The following CERS3 variants were observed in gnomAD, a reference collection of about 807,000 sequenced individuals.
CERS3 encodes the protein LAG1 homolog, ceramide synthase 3.
A neutral mutation model predicts 50.3 loss-of-function variants in CERS3; 33 were observed. The ratio of observed to expected loss-of-function variants is 0.66; its 90% CI spans 0.50 to 0.88. The LOEUF is 0.88. Among genes scored for constraint, CERS3 ranks in the 40% least tolerant of loss-of-function variants. The probability of loss-of-function intolerance (pLI) is 0.00; values close to 1 mark genes in which losing one functional copy is unlikely to be tolerated. For missense variants in CERS3, 470 were observed against 460.3 expected (o/e 1.02, Z -0.19); for synonymous variants, 176 against 155.2 (o/e 1.13, Z -0.99).
At chr15:100,409,455 G>A (rs1195412031) in intron 11 of CERS3, among the ~76,000 whole-genome samples, 1 of 28,004 alleles carries the variant, frequency 3.6e-5, no homozygotes, top group Non-Finnish European at 9.3e-5. Context: ...CTTAAAAAAA[G>A]TGCAGCCCAC....
chr15:100,459,854 T>C (rs2034492872), intron 10 of CERS3, among the ~76,000 whole-genome samples: 1 of 152,146 alleles, frequency 6.6e-6, no homozygotes, highest in South Asian at 2.1e-4. Flanking sequence ...ATAGTGACTA[T>C]ATATATTTAT....
intron 11 of CERS3, among the ~76,000 whole-genome samples, chr15:100,422,909 G>C (rs1193900492): frequency 7.5e-6 from 1 of 133,532 alleles, no homozygotes; most frequent in Non-Finnish European, 1.6e-5. Context: ...CACAGGAAGG[G>C]GAATATCACA....
intron 8 of CERS3, among the ~76,000 whole-genome samples, chr15:100,473,882 A>G (rs1337926590): frequency 6.6e-6 from 1 of 152,224 alleles, no homozygotes; most frequent in Non-Finnish European, 1.5e-5. Flanking sequence ...AAACAACCCA[A>G]ATGTCCATCA....
At chr15:100,419,990 A>G (rs1417801869) in intron 11 of CERS3, among the ~76,000 whole-genome samples, 2 of 147,786 alleles carry the variant, frequency 1.4e-5, no homozygotes, top group Non-Finnish European at 3.0e-5. Flanking sequence ...GAAAGATCCA[A>G]AATTGACACC....
At chr15:100,441,477 C>A (rs1030041568) in intron 11 of CERS3, among the ~76,000 whole-genome samples, 1 of 151,904 alleles carries the variant, frequency 6.6e-6, no homozygotes, top group South Asian at 2.1e-4. Flanking sequence ...ACACCCGAAC[C>A]CCTTCCCTCC....
chr15:100,442,889 C>T (rs866158577), intron 11 of CERS3, among the ~76,000 whole-genome samples: 1,860 of 150,160 alleles, frequency 0.012, no homozygotes, highest in African/African-American at 0.044. Flanking sequence ...CTCCACATTA[C>T]CTTCTTTACA....
At chr15:100,463,094 A>G (rs1465455448) in intron 10 of CERS3, among the ~76,000 whole-genome samples, 2 of 152,238 alleles carry the variant, frequency 1.3e-5, no homozygotes, top group East Asian at 1.9e-4. Flanking sequence ...AAGGAATGAC[A>G]AAGTAAATGG....
intron 2 of CERS3, among the ~76,000 whole-genome samples, chr15:100,518,106 A>G (rs759536467): frequency 2.0e-5 from 3 of 152,198 alleles, no homozygotes; most frequent in Non-Finnish European, 4.4e-5. Context: ...AAATCGTAAG[A>G]CCTCATACTG....
At chr15:100,405,167 G>A (rs2030894830) in intron 11 of CERS3, among the ~76,000 whole-genome samples, 1 of 149,758 alleles carries the variant, frequency 6.7e-6, no homozygotes, top group Non-Finnish European at 1.5e-5. Context: ...TGCAAACTGG[G>A]AGATAATATT....
At chr15:100,483,043 T>G (rs1467145465) in intron 5 of CERS3, among the ~76,000 whole-genome samples, 1 of 152,244 alleles carries the variant, frequency 6.6e-6, no homozygotes, top group Non-Finnish European at 1.5e-5. Context: ...ATATATTGCA[T>G]AATTTCCTGC....
chr15:100,439,475 ATC>A (rs992909358), intron 11 of CERS3, among the ~76,000 whole-genome samples: 1 of 152,176 alleles, frequency 6.6e-6, no homozygotes, highest in Non-Finnish European at 1.5e-5. Context: ...CAAACTCACA[ATC>A]TCTGTTACAA....
intron 11 of CERS3, among the ~76,000 whole-genome samples, chr15:100,417,597 C>T (rs2032044334): frequency 6.6e-6 from 1 of 151,990 alleles, no homozygotes; most frequent in Non-Finnish European, 1.5e-5. Context: ...AGGAGGCCTG[C>T]CTGCCTCTGT....
chr15:100,401,212 C>T lies in CERS3; in HGVS notation c.*1501G>A, dbSNP rs2030498794. The T allele has an allele frequency of 6.6e-6, 1 of 152,186 alleles. No homozygotes were observed. Among genetic ancestry groups the T allele is most frequent in the Admixed American group, 6.5e-5 (1 of 15,274 alleles). 9.4% of individuals were successfully genotyped at this position (152,186 alleles called of 1,614,324 possible). Reference sequence around the variant, plus strand: ...CGAGCCCCTGAATAAATAGGATGAACATACAAAATCTGACCGTTATGAGAG... The same window carrying T: ...CGAGCCCCTGAATAAATAGGATGAATATACAAAATCTGACCGTTATGAGAG... On this transcript the variant is annotated 3_prime_UTR_variant, in exon 12 of 12. Coordinates refer to ENST00000679737, the MANE Select transcript of CERS3 (RefSeq NM_001378789.1).
intron 11 of CERS3, among the ~76,000 whole-genome samples, chr15:100,420,761 T>C (rs1295981085): frequency 3.3e-5 from 5 of 152,040 alleles, no homozygotes; most frequent in African/African-American, 1.2e-4. Context: ...ATCTCTGGGA[T>C]GCAAGGCTGG....
In CERS3 at chr15:100,489,384, C is replaced by T. The variant is rs185547955; in HGVS notation, c.288+1433G>A. Reference sequence around the variant, plus strand: ...AAAAGAAAGACTACCACCCTATAAACCTTTTCAGCTATCCTTAGTTTTCCT... The same window carrying T: ...AAAAGAAAGACTACCACCCTATAAATCTTTTCAGCTATCCTTAGTTTTCCT... On this transcript the variant is annotated intron_variant, in intron 4 of 11. Transcript: ENST00000679737. Among the ~76,000 whole-genome samples, 34 of 152,252 alleles carry T rather than the reference C, an allele frequency of 2.2e-4. 1 individual carries two copies. The highest frequency in any genetic ancestry group is 2.0e-3 in the Admixed American group (31 of 15,288).
At chr15:100,513,595 T>C (rs1047170764) in intron 2 of CERS3, among the ~76,000 whole-genome samples, 6 of 151,292 alleles carry the variant, frequency 4.0e-5, no homozygotes, top group Admixed American at 6.6e-5. Flanking sequence ...TGGAGTTTAG[T>C]GGCATGATCA....
intron 10 of CERS3, among the ~76,000 whole-genome samples, chr15:100,467,317 A>C (rs941799712): frequency 6.6e-6 from 1 of 151,694 alleles, no homozygotes; most frequent in Non-Finnish European, 1.5e-5. Context: ...AATAATAATT[A>C]ATAAATGTTG....
chr15:100,513,109 T>C (rs1480310303), intron 2 of CERS3, among the ~76,000 whole-genome samples: 2 of 152,196 alleles, frequency 1.3e-5, no homozygotes, highest in Non-Finnish European at 2.9e-5. Context: ...AGCTCTCCCC[T>C]CATGGTCTTC....
chr15:100,443,055 G>A (rs1460997903), intron 11 of CERS3, among the ~76,000 whole-genome samples: 5 of 152,072 alleles, frequency 3.3e-5, no homozygotes, highest in South Asian at 2.1e-4. Flanking sequence ...TTATTAGGCC[G>A]AGACACTTTA....
Sources: allele counts gnomAD v4.1 joint callset (sites outside exome capture counted in the v4.1 genomes callset), GRCh38; gene constraint gnomAD v4.1.1; transcripts MANE v1.5; gene names NCBI Gene and HGNC (gene_info 2026-07-23, HGNC 2026-07-21).